CPSF4L: variants seen among roughly 807,000 people sequenced by gnomAD.
CPSF4L encodes the protein putative cleavage and polyadenylation specificity factor subunit 4-like protein.
In CPSF4L, 18 loss-of-function variants were observed where a neutral mutation model predicts 24.0. That is an observed-to-expected ratio of 0.75 (90% CI 0.52 to 1.11). The LOEUF (loss-of-function observed/expected upper bound fraction) is 1.11. Ranked by LOEUF, CPSF4L falls within the 50% of genes least tolerant of loss-of-function variation. The pLI, the probability that CPSF4L is intolerant of heterozygous loss-of-function variation, is 0.00. For synonymous variants in CPSF4L, 72 were observed against 77.2 expected (o/e 0.93, Z 0.35); for missense variants, 211 against 221.8 (o/e 0.95, Z 0.31).
chr17:73,257,237 G>C (rs1333958106), intron 3 of CPSF4L, among the ~76,000 whole-genome samples: 1 of 152,166 alleles, frequency 6.6e-6, no homozygotes, highest in Non-Finnish European at 1.5e-5. Flanking sequence ...TAAAGTAAGA[G>C]TTAAAATAGC....
chr17:73,248,913 C>G (rs748882923), intron 5 of CPSF4L: 5 of 178,702 alleles, frequency 2.8e-5, no homozygotes, highest in Non-Finnish European at 4.7e-5. Context: ...CATCTACATA[C>G]TACTTCCGCC....
At chr17:73,247,090 T>C (rs564036054), downstream of CPSF4L, 1 of 670,028 alleles carries the variant, frequency 1.5e-6, no homozygotes, top group South Asian at 1.9e-5. Flanking sequence ...GCCTTGTTTT[T>C]GTATGTAGTC....
chr17:73,242,352 G>A, the CPSF4L span: 1,554 of 1,561,312 alleles, frequency 1.0e-3, 12 homozygotes, highest in East Asian at 0.017. Context: ...GTACAAAAAG[G>A]TGAGGCTGGA....
chr17:73,263,128 G>C (rs902022992), upstream of CPSF4L, among the ~76,000 whole-genome samples: 1 of 152,174 alleles, frequency 6.6e-6, no homozygotes, highest in Non-Finnish European at 1.5e-5. Flanking sequence ...GCTTCTCTTG[G>C]CCTTAGTTGT....
chr17:73,251,227 T>C (rs1297584573), intron 5 of CPSF4L: 2 of 1,177,406 alleles, frequency 1.7e-6, no homozygotes, highest in East Asian at 5.7e-5. Context: ...CAAGATGCCT[T>C]TAGTTACAGT....
At chr17:73,242,172 T>C in the CPSF4L span, 1 of 1,006,558 alleles carries the variant, frequency 9.9e-7, no homozygotes, top group Non-Finnish European at 1.5e-6. Flanking sequence ...CCGTGGATCC[T>C]TCGGCACTGG....
intron 1 of CPSF4L, 83 bp downstream of exon 1, chr17:73,261,633 C>A (rs1336300607): frequency 2.1e-6 from 2 of 959,002 alleles, no homozygotes; most frequent in Non-Finnish European, 3.3e-6. Flanking sequence ...TACACTCCAG[C>A]CTGGGCTACA....
At chr17:73,252,237 C>G (rs2145275754) in intron 5 of CPSF4L, among the ~76,000 whole-genome samples, 1 of 152,296 alleles carries the variant, frequency 6.6e-6, no homozygotes, top group African/African-American at 2.4e-5. Flanking sequence ...CAGCTCTCGC[C>G]CTCCCATCTT....
At chr17:73,252,524 A>T (rs865867944) in intron 5 of CPSF4L, 106 bp downstream of exon 5, 1 of 743,644 alleles carries the variant, frequency 1.3e-6, no homozygotes, top group Non-Finnish European at 2.4e-6. Context: ...TGCTTGCCAG[A>T]TGCTTCATTT....
At chr17:73,247,154 TTC>T (rs1379211884), downstream of CPSF4L, 7 of 1,218,126 alleles carry the variant, frequency 5.7e-6, no homozygotes, top group Non-Finnish European at 8.4e-6. Flanking sequence ...CCATGGCTGT[TTC>T]ACACAACAAC....
At chr17:73,259,990 G>A (rs1359596344) in intron 2 of CPSF4L, among the ~76,000 whole-genome samples, 2 of 152,198 alleles carry the variant, frequency 1.3e-5, no homozygotes, top group Non-Finnish European at 2.9e-5. Flanking sequence ...CAGAAGAAAA[G>A]TTGAAAACTC....
chr17:73,262,715 GCC>G (rs1019674195), upstream of CPSF4L, among the ~76,000 whole-genome samples: 5 of 152,212 alleles, frequency 3.3e-5, no homozygotes, highest in Admixed American at 3.3e-4. Context: ...CCCTGCTCTG[GCC>G]CCAAACTGGC....
chr17:73,261,101 A>C (rs961672906), intron 1 of CPSF4L, 118 bp from the exon 2 acceptor site: 41 of 792,810 alleles, frequency 5.2e-5, no homozygotes, highest in Admixed American at 4.0e-4. Context: ...GGCCTATGGG[A>C]TCCCAAATCT....
At chr17:73,250,133 G>A (rs2061998807) in intron 5 of CPSF4L, 4 of 1,001,750 alleles carry the variant, frequency 4.0e-6, no homozygotes, top group African/African-American at 1.7e-5. Context: ...GGCTACTTCT[G>A]CACCTCACTC....
Position 73,257,781 on chromosome 17 carries a change from C to CTTGCATACCA in CPSF4L, c.197_206dup (p.Lys69AsnfsTer15). On this transcript the variant is annotated frameshift_variant, in exon 3 of 6. Coordinates refer to ENST00000344935, the MANE Select transcript of CPSF4L (RefSeq NM_001129885.1). LOFTEE classifies it high-confidence loss of function. Reference sequence around the variant, plus strand: ...TCTTGCAGAGCCCCCGGAGCCAGTGCTTGCATACCACCATCTTCTCCCCTC... The same window carrying CTTGCATACCA: ...TCTTGCAGAGCCCCCGGAGCCAGTGCTTGCATACCATTGCATACCACCATCTTCTCCCCTC... 2 of 1,551,686 alleles carry CTTGCATACCA rather than the reference C, an allele frequency of 1.3e-6. No homozygotes were observed. The highest frequency in any genetic ancestry group is 1.7e-6 in the Non-Finnish European group (2 of 1,146,980).
chr17:73,242,230 G>A, the CPSF4L span: 1 of 1,542,690 alleles, frequency 6.5e-7, no homozygotes, highest in Non-Finnish European at 8.9e-7. Flanking sequence ...AGTGACTTCT[G>A]TTTGGAACCA....
rs578167632 is a variant in CPSF4L, at chr17:73,251,716, G to A, written c.497+914C>T. Among the ~76,000 whole-genome samples, 29 of 152,242 alleles carry A rather than the reference G, an allele frequency of 1.9e-4. No individual in the cohort carries two copies. In the South Asian group the frequency reaches 6.0e-3, roughly 32 times the overall value. ...TCCCACTTTTTACAAACCATTCTTA[G>A]CCCCTCGCCTGTACAAAGACAGGCA... On this transcript the variant is annotated intron_variant, in intron 5 of 5. Coordinates refer to ENST00000344935, the MANE Select transcript of CPSF4L (RefSeq NM_001129885.1).
downstream of CPSF4L, chr17:73,247,392 G>A (rs146064508): frequency 4.8e-4 from 768 of 1,586,892 alleles, 3 homozygotes; most frequent in East Asian, 0.01. Flanking sequence ...TAGTGCCTTC[G>A]TGCCCTGTGT....
chr17:73,250,198 C>T lies in CPSF4L; in HGVS notation c.498-1662G>A, dbSNP rs1268991338. 4 of 1,534,762 alleles carry T rather than the reference C, an allele frequency of 2.6e-6. No individual in the cohort carries two copies. In the African/African-American group the frequency reaches 4.1e-5, roughly 16 times the overall value. On this transcript the variant is annotated intron_variant, in intron 5 of 5. Coordinates refer to ENST00000344935, the MANE Select transcript of CPSF4L (RefSeq NM_001129885.1). ...CTGTGGAACTTGGGAAACAGAATCC[C>T]ATAGTAAGACCATTGAGCATCTTCT...
Sources: allele counts gnomAD v4.1 joint callset (sites outside exome capture counted in the v4.1 genomes callset), GRCh38; gene constraint gnomAD v4.1.1; transcripts MANE v1.5; gene names NCBI Gene and HGNC (gene_info 2026-07-23, HGNC 2026-07-21).